The following MECOM variants were observed in gnomAD, a reference collection of about 807,000 sequenced individuals.
The protein encoded by MECOM is MDS1 and EVI1 complex locus.
A neutral mutation model predicts 116.3 loss-of-function variants in MECOM; 13 were observed. That is an observed-to-expected ratio of 0.11 (90% CI 0.07 to 0.18). The LOEUF is 0.18. Ranked by LOEUF, MECOM falls within the 10% of genes least tolerant of loss-of-function variation. The pLI, the probability that MECOM is intolerant of heterozygous loss-of-function variation, is 1.00. For synonymous variants in MECOM, 528 were observed against 535.2 expected (o/e 0.99, Z 0.19); for missense variants, 1,299 against 1,509.0 (o/e 0.86, Z 2.31).
At chr3:169,137,499 A>G (rs779353134) in intron 3 of MECOM, among the ~76,000 whole-genome samples, 4 of 152,108 alleles carry the variant, frequency 2.6e-5, no homozygotes, top group Non-Finnish European at 5.9e-5. Context: ...GTTCAACACT[A>G]TGGAAGCTTT....
At chr3:169,472,636 AGGAAAGGAAAG>A (rs368485461) in intron 1 of MECOM, among the ~76,000 whole-genome samples, 5 of 86,754 alleles carry the variant, frequency 5.8e-5, no homozygotes, top group African/African-American at 1.2e-4. Flanking sequence ...AGAAAAGAAA[AGGAAAGGAAAG>A]GAAAAGAAAA....
chr3:169,245,956 G>A (rs1331311823), intron 2 of MECOM, among the ~76,000 whole-genome samples: 2 of 152,148 alleles, frequency 1.3e-5, no homozygotes, highest in African/African-American at 2.4e-5. Context: ...CAGCTTGTCT[G>A]CCAAGCCTTT....
chr3:169,092,311 A>G (rs1254806455), intron 14 of MECOM, among the ~76,000 whole-genome samples: 2 of 152,066 alleles, frequency 1.3e-5, no homozygotes, highest in Non-Finnish European at 2.9e-5. Flanking sequence ...TAAAGTAGCA[A>G]TAGAATCTTA....
chr3:169,190,987 G>A, intron 2 of MECOM, among the ~76,000 whole-genome samples: 1 of 151,928 alleles, frequency 6.6e-6, no homozygotes, highest in Non-Finnish European at 1.5e-5. Flanking sequence ...TTTACCCATA[G>A]AAAGGCTGGC....
chr3:169,399,414 T>C (rs1035369873), intron 1 of MECOM, among the ~76,000 whole-genome samples: 5 of 152,214 alleles, frequency 3.3e-5, no homozygotes, highest in African/African-American at 1.2e-4. Flanking sequence ...CTACTGACCA[T>C]TCAGAATGCT....
At chr3:169,444,118 C>G (rs889099057) in intron 1 of MECOM, among the ~76,000 whole-genome samples, 7 of 152,158 alleles carry the variant, frequency 4.6e-5, no homozygotes, top group African/African-American at 1.7e-4. Flanking sequence ...ACTTCCAAAT[C>G]TTTTTCAGAG....
At chr3:169,297,802 C>G (rs958328917) in intron 2 of MECOM, among the ~76,000 whole-genome samples, 2 of 152,140 alleles carry the variant, frequency 1.3e-5, no homozygotes, top group African/African-American at 4.8e-5. Flanking sequence ...GGCAAATGTG[C>G]AAACTTTCAG....
chr3:169,298,943 G>A (rs1716154678), intron 2 of MECOM, among the ~76,000 whole-genome samples: 1 of 152,058 alleles, frequency 6.6e-6, no homozygotes, highest in Non-Finnish European at 1.5e-5. Context: ...ACTATAATAG[G>A]GGAAACTTAG....
intron 2 of MECOM, among the ~76,000 whole-genome samples, chr3:169,187,421 C>T (rs1008738022): frequency 9.2e-5 from 14 of 152,072 alleles, no homozygotes; most frequent in African/African-American, 3.1e-4. Flanking sequence ...GAAAAGCCAA[C>T]ACGTTACAAT....
intron 7 of MECOM, 99 bp from the exon 8 acceptor site, chr3:169,116,838 G>A (rs542906901): frequency 7.0e-7 from 1 of 1,437,334 alleles, no homozygotes; most frequent in East Asian, 2.4e-5. Context: ...CAATTAGGAA[G>A]CCAGTAAAAG....
intron 2 of MECOM, among the ~76,000 whole-genome samples, chr3:169,295,051 T>C (rs1715338228): frequency 6.6e-6 from 1 of 152,188 alleles, no homozygotes; most frequent in Non-Finnish European, 1.5e-5. Flanking sequence ...TATCTTAATG[T>C]TACGTAAAAT....
At chr3:169,290,120 T>C (rs1252741330) in intron 2 of MECOM, among the ~76,000 whole-genome samples, 5 of 152,142 alleles carry the variant, frequency 3.3e-5, no homozygotes, top group African/African-American at 1.2e-4. Context: ...AGAGAATAGA[T>C]GCTTTAATAT....
chr3:169,483,534 C>T (rs958060630), intron 1 of MECOM: 6 of 610,876 alleles, frequency 9.8e-6, no homozygotes, highest in South Asian at 4.5e-5. Context: ...AAATGAGTGG[C>T]GAACCAAGGG....
At chr3:169,433,689 G>GAAAGAAAGAAAGAGAA (rs762521796) in intron 1 of MECOM, among the ~76,000 whole-genome samples, 6 of 96,788 alleles carry the variant, frequency 6.2e-5, no homozygotes, top group South Asian at 3.5e-4. Flanking sequence ...AAGAAAGAAA[G>GAAAGAAAGAAAGAGAA]AGAAAGAAAG....
At chr3:169,206,745 T>G (rs768994383) in intron 2 of MECOM, among the ~76,000 whole-genome samples, 2 of 134,068 alleles carry the variant, frequency 1.5e-5, no homozygotes, top group African/African-American at 3.1e-5. Context: ...AGAATGAGAC[T>G]TCCTCTTAAA....
chr3:169,420,867 A>G (rs982085427), intron 1 of MECOM, among the ~76,000 whole-genome samples: 1 of 152,194 alleles, frequency 6.6e-6, no homozygotes, highest in African/African-American at 2.4e-5. Context: ...GTATGTATAA[A>G]TGAACCTTGA....
At chr3:169,450,806 C>A (rs188826713) in intron 1 of MECOM, among the ~76,000 whole-genome samples, 185 of 152,252 alleles carry the variant, frequency 1.2e-3, no homozygotes, top group African/African-American at 3.9e-3. Flanking sequence ...TTCACAAAAG[C>A]TGTGCATCAG....
chr3:169,435,857 T>C (rs1048239709), intron 1 of MECOM, among the ~76,000 whole-genome samples: 1 of 152,178 alleles, frequency 6.6e-6, no homozygotes, highest in Admixed American at 6.5e-5. Flanking sequence ...TAAAGTGCCA[T>C]TATAAACATT....
chr3:169,319,450 C>T (rs1049473891), intron 2 of MECOM, among the ~76,000 whole-genome samples: 11 of 152,034 alleles, frequency 7.2e-5, no homozygotes, highest in Admixed American at 7.2e-4. Context: ...GGAGGGATAA[C>T]ATTAGGAGAA....
Sources: gnomAD v4.1 joint callset for allele counts (sites outside exome capture counted in the v4.1 genomes callset) on GRCh38, gnomAD v4.1.1 for gene constraint, MANE v1.5 for transcripts, NCBI Gene and HGNC (gene_info 2026-07-23, HGNC 2026-07-21) for gene names.